NAIF1: variants seen among roughly 807,000 people sequenced by gnomAD.
NAIF1 encodes nuclear apoptosis inducing factor 1.
In NAIF1, 14 loss-of-function variants were observed where a neutral mutation model predicts 20.7. That is an observed-to-expected ratio of 0.67 (90% confidence interval 0.45 to 1.05). NAIF1 has a LOEUF of 1.05. NAIF1 is among the 50% of genes least tolerant of loss of function. NAIF1 has a pLI of 0.00. For synonymous variants in NAIF1, 191 were observed against 191.4 expected, an observed-to-expected ratio of 1.00 and a Z score of 0.02; for missense variants, 362 against 448.8, an observed-to-expected ratio of 0.81 and a Z score of 1.75.
At chr9:128,066,362 A>G in intron 1 of NAIF1, 1 of 416,952 alleles carries the variant, frequency 2.4e-6, no homozygotes. Context: ...CATGGTGGCA[A>G]TGCTCAGTGG....
chr9:128,063,856 C>T lies in NAIF1; in HGVS notation c.556G>A (p.Glu186Lys). ...GGGGGCGCCTCAGCCGTGCAGTACTCCACCACGCCCTCCTCCAGCGTGTGA... is the reference window on the plus strand; with the variant it reads ...GGGGGCGCCTCAGCCGTGCAGTACTTCACCACGCCCTCCTCCAGCGTGTGA... Reference protein sequence around the residue: ...TYHTLEEGVVEYCTAEAPPPL... With the variant: ...TYHTLEEGVVKYCTAEAPPPL... The change falls in exon 2 of 2, where the codon GAG (glutamate) becomes AAG (lysine). Residue 186 changes from glutamate to lysine, a missense_variant. Glu to Lys is a moderately conservative substitution (Grantham distance 56). Transcript: ENST00000373078. This position sits in a 1 kb window ranked among gnomAD's most constrained non-coding sequence, Gnocchi z 4.3. 1 of 1,610,546 alleles carries T rather than the reference C, an allele frequency of 6.2e-7. No homozygotes were observed. Among genetic ancestry groups the T allele is most frequent in the East Asian group, 2.2e-5 (1 of 44,874 alleles).
Position 128,066,764 on chromosome 9 carries a change from C to A in NAIF1, c.338G>T (p.Ser113Ile). Reference sequence around the variant, plus strand: ...GGCTACAGCTGGGCCACCGCCACCACTGCCACCGCCTGTCCCAGGCCCCCC... The same window carrying A: ...GGCTACAGCTGGGCCACCGCCACCAATGCCACCGCCTGTCCCAGGCCCCCC... ...GAGGPGTGGG[S>I]GGGGPAVAPV... Residue 113 changes from serine to isoleucine, a missense_variant, in exon 1 of 2, where the codon AGT becomes ATT. Ser to Ile is a moderately radical substitution (Grantham distance 142). Coordinates refer to ENST00000373078, the MANE Select transcript of NAIF1 (RefSeq NM_197956.4). The A allele has an allele frequency of 6.2e-7, 1 of 1,609,000 alleles. No homozygotes were observed. The highest frequency in any genetic ancestry group is 1.3e-5 in the African/African-American group (1 of 74,978).
rs144555393 is a variant in NAIF1 at position 128,066,622 on chromosome 9, G to C, written c.480C>G (p.Thr160=). 2.0e-6 allele frequency: 3 copies of C among 1,527,798 alleles called. No homozygotes were observed. The highest frequency in any genetic ancestry group is 2.6e-6 in the Non-Finnish European group (3 of 1,135,632). The allele number at this position is 1,527,798 out of a possible 1,614,324, so 94.6% of individuals were successfully genotyped here. ...TCAGGGTGACCGTGGCTGCGGCTGC[G>C]GTGGCCGAGGGTCCGAGGGCCACAG... ...IHPVALGPSA[T]AAAATVTLTQ... Residue 160 remains threonine (T), a synonymous_variant, in exon 1 of 2, where the codon ACC becomes ACG. Transcript: ENST00000373078.
rs1832737617 is a variant in NAIF1, at chr9:128,063,142, C to T, written c.*286G>A. ...GTCCAAGACCAAGGCTGGGTCATGT[C>T]ACAAGCCCGGGGTCATGACAACACA... On this transcript the variant is annotated 3_prime_UTR_variant, in exon 2 of 2. Coordinates refer to ENST00000373078, the MANE Select transcript of NAIF1 (RefSeq NM_197956.4). The surrounding 1 kb of genome is among the most constrained non-coding windows in gnomAD (Gnocchi z 4.3). 1 of 447,112 alleles carries T rather than the reference C, an allele frequency of 2.2e-6. No individual in the cohort carries two copies. Among genetic ancestry groups the T allele is most frequent in the South Asian group, 2.7e-5 (1 of 36,626 alleles). The allele number at this position is 447,112 out of a possible 1,614,324, so 27.7% of individuals were successfully genotyped here.
chr9:128,065,627 G>C (rs1588734827), intron 1 of NAIF1, among the ~76,000 whole-genome samples: 1 of 110,096 alleles, frequency 9.1e-6, no homozygotes. Context: ...GTGTATTCTT[G>C]AGAAATACGC....
At chr9:128,064,109 G>A (rs1832751573) in intron 1 of NAIF1, among the ~76,000 whole-genome samples, 2 of 108,976 alleles carry the variant, frequency 1.8e-5, no homozygotes. Context: ...TTTTTTTTGA[G>A]ACGGAGTCTC....
chr9:128,065,150 CCT>C (rs1484718927), intron 1 of NAIF1, among the ~76,000 whole-genome samples: 1 of 149,110 alleles, frequency 6.7e-6, no homozygotes, highest in African/African-American at 2.5e-5. Flanking sequence ...GCTCTTTTGC[CCT>C]GTTACCCAGG....
At chr9:128,066,465 G>C (rs1237571577) in intron 1 of NAIF1, 126 bp downstream of exon 1, 1 of 977,018 alleles carries the variant, frequency 1.0e-6, no homozygotes, top group East Asian at 2.8e-5. Flanking sequence ...CTCTTGGAAG[G>C]CCTCATGGTC....
rs946888159 is a variant in NAIF1 at position 128,066,515 on chromosome 9, A to G, written c.511+76T>C. Reference sequence around the variant, plus strand: ...TCTGACCTCTGACCCTTGGCAGCCAACCTTCCCCAGGCCACCCCAGAGCTT... The same window carrying G: ...TCTGACCTCTGACCCTTGGCAGCCAGCCTTCCCCAGGCCACCCCAGAGCTT... On this transcript the variant is annotated intron_variant, in intron 1 of 1. Transcript: ENST00000373078. 4 of 1,444,198 alleles carry G rather than the reference A, an allele frequency of 2.8e-6. No homozygotes were observed. The African/African-American group carries it at 4.3e-5, about 15-fold the overall frequency. 89.5% of individuals were successfully genotyped at this position (1,444,198 alleles called of 1,614,324 possible). A position where few individuals can be genotyped will look rare whatever the true frequency, so the allele number is the denominator to read the frequency against.
Position 128,061,616 on chromosome 9 carries a change from C to A in NAIF1, c.*1812G>T, listed in dbSNP as rs1243685091. 6.6e-6 allele frequency: 1 copy of A among 152,276 alleles called. No individual in the cohort carries two copies. The highest frequency in any genetic ancestry group is 1.5e-5 in the Non-Finnish European group (1 of 68,094). The allele number at this position is 152,276 out of a possible 1,614,324, so 9.4% of individuals were successfully genotyped here. ...AGTCACCTCCCAGCTGTCTTCGGTGCATCTTCAGGGCCACCTTCCTGTGGT... is the reference window on the plus strand; with the variant it reads ...AGTCACCTCCCAGCTGTCTTCGGTGAATCTTCAGGGCCACCTTCCTGTGGT... On this transcript the variant is annotated 3_prime_UTR_variant, in exon 2 of 2. Transcript: ENST00000373078.
chr9:128,063,960 C>CT lies in NAIF1; in HGVS notation c.512-61dup. On this transcript the variant is annotated intron_variant, in intron 1 of 1. Transcript: ENST00000373078. This position sits in a 1 kb window ranked among gnomAD's most constrained non-coding sequence, Gnocchi z 4.3. ...CACTTTCTGGAAGGAATAAAGCTGG[C>CT]TGTATGGGGTGGGGAGGAGGCCATA... 1 of 1,494,216 alleles carries CT rather than the reference C, an allele frequency of 6.7e-7. No individual in the cohort carries two copies. Among genetic ancestry groups the CT allele is most frequent in the Non-Finnish European group, 9.1e-7 (1 of 1,100,470 alleles). The allele number at this position is 1,494,216 out of a possible 1,614,324, so 92.6% of individuals were successfully genotyped here.
chr9:128,063,928 G>C lies in NAIF1; in HGVS notation c.512-28C>G, dbSNP rs747523679. ...GCACAGTAGAAAGAACAGAGGCCAAGGGAGGTCACTTTCTGGAAGGAATAA... is the reference window on the plus strand; with the variant it reads ...GCACAGTAGAAAGAACAGAGGCCAACGGAGGTCACTTTCTGGAAGGAATAA... On this transcript the variant is annotated intron_variant, in intron 1 of 1. Coordinates refer to ENST00000373078, the MANE Select transcript of NAIF1 (RefSeq NM_197956.4). This position sits in a 1 kb window ranked among gnomAD's most constrained non-coding sequence, Gnocchi z 4.3. 5 of 1,584,392 alleles carry C rather than the reference G, an allele frequency of 3.2e-6. No individual in the cohort carries two copies. The highest frequency in any genetic ancestry group is 3.4e-6 in the Non-Finnish European group (4 of 1,167,690).
chr9:128,061,661 A>G lies in NAIF1; in HGVS notation c.*1767T>C, dbSNP rs2130770579. The stretch of plus-strand genomic sequence containing the variant: ...TGTGGTCACAATAGAGGAGTTGAGC[A>G]TTCTAAACGTTCGTGCCCAGGAGGG... On this transcript the variant is annotated 3_prime_UTR_variant, in exon 2 of 2. Coordinates refer to ENST00000373078, the MANE Select transcript of NAIF1 (RefSeq NM_197956.4). 6.6e-6 allele frequency: 1 copy of G among 152,358 alleles called. No homozygotes were observed. The highest frequency in any genetic ancestry group is 1.9e-4 in the East Asian group (1 of 5,180). 9.4% of individuals were successfully genotyped at this position (152,358 alleles called of 1,614,324 possible).
chr9:128,066,081 G>GATGA (rs111280567), intron 1 of NAIF1: 8,972 of 153,298 alleles, frequency 0.059, 568 homozygotes, highest in East Asian at 0.36. Context: ...GCTAATGTTT[G>GATGA]ATGAATGAAT....
chr9:128,065,735 G>C (rs1163054483), intron 1 of NAIF1, among the ~76,000 whole-genome samples: 1 of 152,024 alleles, frequency 6.6e-6, no homozygotes, highest in Non-Finnish European at 1.5e-5. Flanking sequence ...AACGAGCAGA[G>C]GTAACAGGGC....
In NAIF1 at chr9:128,063,470, C is replaced by A; in HGVS notation, c.942G>T (p.Gly314=). The change falls in exon 2 of 2, where the codon GGG becomes GGT. Residue 314 remains glycine (G), a synonymous_variant. Coordinates refer to ENST00000373078, the MANE Select transcript of NAIF1 (RefSeq NM_197956.4). The surrounding 1 kb of genome is among the most constrained non-coding windows in gnomAD (Gnocchi z 4.3). Reference sequence around the variant, plus strand: ...CTGGCTGCCCATTCTGGGCCACCTGCCCAGGGTCAGAGGCGGGGGCCGGGT... The same window carrying A: ...CTGGCTGCCCATTCTGGGCCACCTGACCAGGGTCAGAGGCGGGGGCCGGGT... ...TANPAPASDP[G]QVAQNGQPDS... 1.9e-6 allele frequency: 3 copies of A among 1,609,564 alleles called. No homozygotes were observed. The highest frequency in any genetic ancestry group is 2.5e-6 in the Non-Finnish European group (3 of 1,179,978).
In NAIF1 at chr9:128,067,068, A is replaced by G. The variant is rs761989019; in HGVS notation, c.34T>C (p.Phe12Leu). ...AVPAKKRKMN[F>L]SEREVEIIVE... ...ATGATCTCCACCTCCCGCTCTGAGAAGTTCATCTTCCTTTTCTTGGCTGGG... is the reference window on the plus strand; with the variant it reads ...ATGATCTCCACCTCCCGCTCTGAGAGGTTCATCTTCCTTTTCTTGGCTGGG... The change falls in exon 1 of 2, where the codon TTC becomes CTC. Residue 12 changes from phenylalanine to leucine, a missense_variant. Physicochemically the swap from Phe to Leu is conservative, Grantham distance 22. This residue lies in a region of NAIF1 where 51 missense variants were observed against 68.7 expected (regional missense o/e 0.74). Coordinates refer to ENST00000373078, the MANE Select transcript of NAIF1 (RefSeq NM_197956.4). The G allele has an allele frequency of 6.2e-7, 1 of 1,608,032 alleles. No homozygotes were observed. Among genetic ancestry groups the G allele is most frequent in the South Asian group, 1.1e-5 (1 of 90,932 alleles).
chr9:128,062,048 G>GCGGTGCAATCTCGGCT lies in NAIF1; in HGVS notation c.*1364_*1379dup, dbSNP rs1277506723. On this transcript the variant is annotated 3_prime_UTR_variant, in exon 2 of 2. Coordinates refer to ENST00000373078, the MANE Select transcript of NAIF1 (RefSeq NM_197956.4). The stretch of plus-strand genomic sequence containing the variant: ...CGCTCTGTCGCCAGGCTGGAGTGCA[G>GCGGTGCAATCTCGGCT]CGGTGCAATCTCGGCTCACTGCAAT... 2.0e-5 allele frequency: 3 copies of GCGGTGCAATCTCGGCT among 152,176 alleles called. No homozygotes were observed. Among genetic ancestry groups the GCGGTGCAATCTCGGCT allele is most frequent in the Admixed American group, 1.3e-4 (2 of 15,242 alleles). 9.4% of individuals were successfully genotyped at this position (152,176 alleles called of 1,614,324 possible).
intron 1 of NAIF1, among the ~76,000 whole-genome samples, chr9:128,065,694 T>G (rs1832769744): frequency 7.0e-6 from 1 of 142,462 alleles, no homozygotes; most frequent in Non-Finnish European, 1.5e-5. Context: ...CCACTGAGAA[T>G]CACTGAATGA....
Sources: gnomAD v4.1 joint callset for allele counts (sites outside exome capture counted in the v4.1 genomes callset) on GRCh38, gnomAD v4.1.1 for gene constraint, gnomAD v4.1.1 regional missense constraint, Gnocchi (gnomAD v3.1) non-coding constraint, MANE v1.5 for transcripts, NCBI Gene and HGNC (gene_info 2026-07-23, HGNC 2026-07-21) for gene names.